The following ZDHHC19 variants were observed in gnomAD, a reference collection of about 807,000 sequenced individuals.
ZDHHC19 encodes the protein zDHHC palmitoyltransferase 19, also known as palmitoyltransferase ZDHHC19.
A neutral mutation model predicts 33.9 loss-of-function variants in ZDHHC19; 30 were observed. That is an observed-to-expected ratio of 0.88 (90% CI 0.66 to 1.20). ZDHHC19 has a LOEUF of 1.20. ZDHHC19 is among the 50% of genes most tolerant of loss of function. The probability of loss-of-function intolerance (pLI) is 0.00; values close to 1 mark genes in which losing one functional copy is unlikely to be tolerated. For synonymous variants in ZDHHC19, 178 were observed against 167.6 expected (o/e 1.06, Z -0.48); for missense variants, 364 against 401.1 (o/e 0.91, Z 0.79).
In ZDHHC19 at chr3:196,198,876, T is replaced by C; in HGVS notation, c.688-2A>G. ...GTTGTATCCCTGAAGGTGTCTGCAC[T>C]GGTCGGGGATGGAAACCGGAAGAGG... is the stretch of plus-strand genomic sequence containing the variant. On this transcript the variant is annotated splice_acceptor_variant, in intron 5 of 7. Transcript: ENST00000296326. LOFTEE classifies it high-confidence loss of function. 2 of 1,613,648 alleles carry C rather than the reference T, an allele frequency of 1.2e-6. No homozygotes were observed. The highest frequency in any genetic ancestry group is 1.7e-6 in the Non-Finnish European group (2 of 1,179,686).
intron 2 of ZDHHC19, 110 bp downstream of exon 2, chr3:196,210,506 G>C (rs533347915): frequency 7.1e-7 from 1 of 1,404,796 alleles, no homozygotes; most frequent in African/African-American, 1.4e-5. Flanking sequence ...GTGGGGTGAA[G>C]GGGTCCAGAG....
At chr3:196,199,243 A>G in intron 5 of ZDHHC19, 1 of 245,236 alleles carries the variant, frequency 4.1e-6, no homozygotes, top group South Asian at 4.8e-5. Context: ...CTTGACCTTG[A>G]TCAGGTTCTC....
chr3:196,200,958 A>C (rs1269361086), intron 5 of ZDHHC19, among the ~76,000 whole-genome samples: 1 of 151,694 alleles, frequency 6.6e-6, no homozygotes, highest in Admixed American at 6.6e-5. Context: ...CATTAGGGAA[A>C]TAAATTTTTA....
chr3:196,210,337 G>GA (rs60446143), intron 2 of ZDHHC19, among the ~76,000 whole-genome samples: 49,189 of 133,138 alleles, frequency 0.37, 11,225 homozygotes, highest in Admixed American at 0.45. Context: ...AAGAAAGAAA[G>GA]AAAGAAAAGA....
chr3:196,200,863 T>C (rs1375858216), intron 5 of ZDHHC19, among the ~76,000 whole-genome samples: 4 of 151,586 alleles, frequency 2.6e-5, no homozygotes, highest in Non-Finnish European at 4.4e-5. Flanking sequence ...TTGCCCAGGC[T>C]GGTCTTGAAC....
chr3:196,200,211 G>A (rs1175247612), intron 5 of ZDHHC19, among the ~76,000 whole-genome samples: 1 of 148,410 alleles, frequency 6.7e-6, no homozygotes, highest in Non-Finnish European at 1.5e-5. Flanking sequence ...GGAGTTCGAG[G>A]CTGCAGTGAG....
At chr3:196,200,347 TA>T (rs1722176339) in intron 5 of ZDHHC19, among the ~76,000 whole-genome samples, 2 of 80,328 alleles carry the variant, frequency 2.5e-5, no homozygotes, top group Admixed American at 1.6e-4. Context: ...TATATATGTA[TA>T]TATATATATA....
At chr3:196,209,074 C>T (rs957949610) in intron 3 of ZDHHC19, 31 of 366,964 alleles carry the variant, frequency 8.4e-5, no homozygotes, top group Middle Eastern at 1.5e-3. Flanking sequence ...TTGGGTATCT[C>T]GTGTTAGCGA....
intron 1 of ZDHHC19, among the ~76,000 whole-genome samples, chr3:196,210,965 G>A (rs543077510): frequency 4.0e-5 from 6 of 151,822 alleles, no homozygotes; most frequent in South Asian, 4.2e-4. Flanking sequence ...GCCTTTGCAC[G>A]TCGGTTCCTG....
At chr3:196,208,894 T>G (rs1722994740) in intron 3 of ZDHHC19, 2 of 344,972 alleles carry the variant, frequency 5.8e-6, no homozygotes, top group Non-Finnish European at 1.1e-5. Flanking sequence ...TCGATGAAGA[T>G]GACAGTAACA....
chr3:196,199,815 G>T lies in ZDHHC19; in HGVS notation c.688-941C>A, dbSNP rs568266057. Among the ~76,000 whole-genome samples the T allele has an allele frequency of 2.4e-4, 37 of 151,844 alleles. 1 individual carries two copies. The highest frequency in any genetic ancestry group is 3.4e-3 in the Middle Eastern group (1 of 290). ...AAAAAATTAGCCAGGCGTGGTGGCGGGTGCCTGTGATCCCAGCTACTCGGG... is the reference window on the plus strand; with the variant it reads ...AAAAAATTAGCCAGGCGTGGTGGCGTGTGCCTGTGATCCCAGCTACTCGGG... On this transcript the variant is annotated intron_variant, in intron 5 of 7. Transcript: ENST00000296326.
chr3:196,208,761 T>C (rs1722986593), intron 3 of ZDHHC19: 1 of 609,280 alleles, frequency 1.6e-6, no homozygotes, highest in East Asian at 2.8e-5. Context: ...AGGACTCTGG[T>C]ATATACGGTC....
intron 5 of ZDHHC19, among the ~76,000 whole-genome samples, chr3:196,206,441 C>A (rs1226793007): frequency 6.6e-6 from 1 of 151,988 alleles, no homozygotes; most frequent in Non-Finnish European, 1.5e-5. Context: ...CAGCCTCCAT[C>A]TCCCGGGCTC....
chr3:196,198,573 A>T, intron 6 of ZDHHC19, 122 bp from the exon 7 acceptor site: 1 of 1,552,882 alleles, frequency 6.4e-7, no homozygotes, highest in Admixed American at 1.9e-5. Flanking sequence ...GGCCAGCCTC[A>T]TCCAGGATGC....
At chr3:196,206,353 G>A (rs1722729936) in intron 5 of ZDHHC19, among the ~76,000 whole-genome samples, 1 of 151,594 alleles carries the variant, frequency 6.6e-6, no homozygotes, top group Admixed American at 6.6e-5. Context: ...CACCCAGCCT[G>A]GGCATTTTTT....
At chr3:196,204,406 A>C (rs931921331) in intron 5 of ZDHHC19, among the ~76,000 whole-genome samples, 2 of 152,252 alleles carry the variant, frequency 1.3e-5, no homozygotes, top group Non-Finnish European at 2.9e-5. Context: ...GAGGTGTGGC[A>C]TGTTCATGAA....
chr3:196,198,706 G>A, intron 6 of ZDHHC19, 83 bp downstream of exon 6: 1 of 1,606,834 alleles, frequency 6.2e-7, no homozygotes, highest in Admixed American at 1.7e-5. Flanking sequence ...TAAGGGCCTG[G>A]GGCTGTGGTA....
Position 196,197,917 on chromosome 3 carries a change from G to A in ZDHHC19, c.*20-192C>T, listed in dbSNP as rs979281999. Among the ~76,000 whole-genome samples, 3 of 152,050 alleles carry A rather than the reference G, an allele frequency of 2.0e-5. No homozygotes were observed. Among genetic ancestry groups the A allele is most frequent in the African/African-American group, 7.2e-5 (3 of 41,382 alleles). On this transcript the variant is annotated intron_variant, in intron 7 of 7. Coordinates refer to ENST00000296326, the MANE Select transcript of ZDHHC19 (RefSeq NM_001039617.2). The surrounding 1 kb of genome is among the most constrained non-coding windows in gnomAD (Gnocchi z 4.4). ...CCACCTCCATGTCTCACGGGGCTTC[G>A]AGTCAATGTTTCCTTTAAATAAAAG...
intron 6 of ZDHHC19, 34 bp downstream of exon 6, chr3:196,198,755 G>T (rs757628203): frequency 1.9e-6 from 3 of 1,612,132 alleles, no homozygotes; most frequent in Non-Finnish European, 1.7e-6. Flanking sequence ...CACCCCCAGG[G>T]TTCACCAGTT....
Sources: allele counts gnomAD v4.1 joint callset (sites outside exome capture counted in the v4.1 genomes callset), GRCh38; gene constraint gnomAD v4.1.1; non-coding constraint Gnocchi (gnomAD v3.1); transcripts MANE v1.5; gene names NCBI Gene and HGNC (gene_info 2026-07-23, HGNC 2026-07-21).